IGF2BP2: variants seen among roughly 807,000 people sequenced by gnomAD.
The protein encoded by IGF2BP2 is insulin-like growth factor 2 mRNA-binding protein 2.
Under a neutral mutation model 75.8 loss-of-function variants are expected in IGF2BP2, and 17 were observed. The ratio of observed to expected loss-of-function variants is 0.22; its 90% CI spans 0.15 to 0.34. The LOEUF (loss-of-function observed/expected upper bound fraction) is 0.34, where lower values mean the gene tolerates loss of function less well. Ranked by LOEUF, IGF2BP2 falls within the 10% of genes least tolerant of loss-of-function variation. The pLI, the probability that IGF2BP2 is intolerant of heterozygous loss-of-function variation, is 1.00. For synonymous variants in IGF2BP2, 288 were observed against 295.6 expected (o/e 0.97, Z 0.26); for missense variants, 516 against 772.4 (o/e 0.67, Z 3.93).
intron 2 of IGF2BP2, among the ~76,000 whole-genome samples, chr3:185,758,603 A>G (rs572356315): frequency 6.6e-6 from 1 of 152,344 alleles, no homozygotes; most frequent in African/African-American, 2.4e-5. Context: ...GATATCTGTA[A>G]TGTTGGGCAC....
chr3:185,676,515 A>G (rs890467885), intron 7 of IGF2BP2, among the ~76,000 whole-genome samples: 40 of 152,016 alleles, frequency 2.6e-4, no homozygotes, highest in Non-Finnish European at 5.6e-4. Context: ...TGTCCTTACT[A>G]AAAACACAAA....
intron 2 of IGF2BP2, among the ~76,000 whole-genome samples, chr3:185,800,579 A>T (rs1738077114): frequency 6.6e-6 from 1 of 152,144 alleles, no homozygotes; most frequent in Non-Finnish European, 1.5e-5. Flanking sequence ...TTTACCAAAA[A>T]TACAAAACTT....
chr3:185,821,491 G>GA (rs761838520), intron 2 of IGF2BP2, among the ~76,000 whole-genome samples: 1 of 151,986 alleles, frequency 6.6e-6, no homozygotes, highest in Non-Finnish European at 1.5e-5. Flanking sequence ...CATTTTGAAA[G>GA]AAAAAAGATA....
At chr3:185,809,712 A>G (rs1319097850) in intron 2 of IGF2BP2, among the ~76,000 whole-genome samples, 4 of 152,166 alleles carry the variant, frequency 2.6e-5, no homozygotes, top group African/African-American at 9.7e-5. Flanking sequence ...AAAAAAGCAA[A>G]ATCTTTTAAC....
intron 10 of IGF2BP2, among the ~76,000 whole-genome samples, chr3:185,669,630 G>A (rs1421312202): frequency 1.3e-5 from 2 of 151,320 alleles, no homozygotes; most frequent in Non-Finnish European, 2.9e-5. Flanking sequence ...TCCAGAGTTC[G>A]GAAACCAACC....
chr3:185,678,183 T>C (rs1250282723), intron 7 of IGF2BP2, among the ~76,000 whole-genome samples: 1 of 152,150 alleles, frequency 6.6e-6, no homozygotes, highest in East Asian at 1.9e-4. Context: ...AAGTCAAAGA[T>C]AGAGTATCTT....
intron 2 of IGF2BP2, among the ~76,000 whole-genome samples, chr3:185,778,807 C>T (rs1328393951): frequency 2.6e-5 from 4 of 152,186 alleles, no homozygotes; most frequent in African/African-American, 9.7e-5. Context: ...TCCAATCCAG[C>T]ACACTCTGAC....
chr3:185,735,148 T>C (rs184360912), intron 2 of IGF2BP2, among the ~76,000 whole-genome samples: 723 of 53,486 alleles, frequency 0.014, 3 homozygotes, highest in African/African-American at 0.052. Flanking sequence ...ATTTAAATCC[T>C]TTTTTTTTTT....
intron 2 of IGF2BP2, among the ~76,000 whole-genome samples, chr3:185,734,939 C>T (rs1276359876): frequency 2.6e-5 from 4 of 152,188 alleles, no homozygotes; most frequent in Non-Finnish European, 5.9e-5. Context: ...GAGATAAGAG[C>T]AGCAGCTCCC....
intron 2 of IGF2BP2, among the ~76,000 whole-genome samples, chr3:185,812,196 G>C (rs981425852): frequency 1.3e-5 from 2 of 152,080 alleles, no homozygotes; most frequent in African/African-American, 4.8e-5. Flanking sequence ...GATAAGAGGA[G>C]GGCTGCTCTG....
At chr3:185,749,171 A>G (rs929773218) in intron 2 of IGF2BP2, among the ~76,000 whole-genome samples, 2 of 152,080 alleles carry the variant, frequency 1.3e-5, no homozygotes, top group Admixed American at 1.3e-4. Context: ...CTAAAAGAAA[A>G]AAGAAAAAAA....
intron 10 of IGF2BP2, among the ~76,000 whole-genome samples, chr3:185,660,348 C>T (rs1716220037): frequency 6.6e-6 from 1 of 152,194 alleles, no homozygotes; most frequent in African/African-American, 2.4e-5. Flanking sequence ...CTGAGCAAAT[C>T]TCACAGTGAC....
chr3:185,824,202 T>C (rs1578429236), intron 1 of IGF2BP2, among the ~76,000 whole-genome samples: 1 of 125,464 alleles, frequency 8.0e-6, no homozygotes, highest in African/African-American at 3.1e-5. Flanking sequence ...TCGAAGGGGG[T>C]CACCAGGGTG....
intron 2 of IGF2BP2, among the ~76,000 whole-genome samples, chr3:185,743,568 G>A (rs923480048): frequency 5.3e-5 from 8 of 152,306 alleles, no homozygotes; most frequent in South Asian, 2.1e-4. Context: ...GAGCCACCAC[G>A]TCTGGCCTAT....
chr3:185,812,246 C>A (rs1188847172), intron 2 of IGF2BP2, among the ~76,000 whole-genome samples: 3 of 152,266 alleles, frequency 2.0e-5, no homozygotes, highest in East Asian at 3.9e-4. Context: ...CTTCCACCTC[C>A]TGAAGCAAAA....
chr3:185,676,756 G>A (rs899440573), intron 7 of IGF2BP2, among the ~76,000 whole-genome samples: 1 of 128,226 alleles, frequency 7.8e-6, no homozygotes, highest in Non-Finnish European at 1.7e-5. Context: ...ATTTACTGGA[G>A]ATATATATAT....
intron 2 of IGF2BP2, among the ~76,000 whole-genome samples, chr3:185,778,031 T>A (rs1734736728): frequency 6.6e-6 from 1 of 151,600 alleles, no homozygotes; most frequent in Non-Finnish European, 1.5e-5. Flanking sequence ...AAAAAAAAAA[T>A]CACAAATGTG....
rs140310289 is a variant in IGF2BP2, at chr3:185,699,075, A to G, written c.240-728T>C. On this transcript the variant is annotated intron_variant, in intron 2 of 15. Coordinates refer to ENST00000382199, the MANE Select transcript of IGF2BP2 (RefSeq NM_006548.6). Reference sequence around the variant, plus strand: ...AGTGATCCGCCTGCCTCGGCCTCCCAAAGTTTTGGGATTACAGGCGTGAGC... The same window carrying G: ...AGTGATCCGCCTGCCTCGGCCTCCCGAAGTTTTGGGATTACAGGCGTGAGC... 4.3e-3 allele frequency among the ~76,000 whole-genome samples: 659 copies of G among 152,302 alleles called. 2 individuals are homozygous for G. The highest frequency in any genetic ancestry group is 7.2e-3 in the Non-Finnish European group (487 of 68,032).
At chr3:185,799,607 C>T (rs1288344275) in intron 2 of IGF2BP2, among the ~76,000 whole-genome samples, 1 of 152,090 alleles carries the variant, frequency 6.6e-6, no homozygotes, top group East Asian at 1.9e-4. Flanking sequence ...AAAAAATTAG[C>T]TGGGCGTGGT....
Sources: gnomAD v4.1 joint callset for allele counts (sites outside exome capture counted in the v4.1 genomes callset) on GRCh38, gnomAD v4.1.1 for gene constraint, MANE v1.5 for transcripts, NCBI Gene and HGNC (gene_info 2026-07-23, HGNC 2026-07-21) for gene names.